The following ZNF536 variants were observed in gnomAD, a reference collection of about 807,000 sequenced individuals.
The protein encoded by ZNF536 is zinc finger protein 536.
A neutral mutation model predicts 84.5 loss-of-function variants in ZNF536; 13 were observed. The ratio of observed to expected loss-of-function variants is 0.15; its 90% CI spans 0.10 to 0.24. The LOEUF is 0.24. Ranked by LOEUF, ZNF536 falls within the 10% of genes least tolerant of loss-of-function variation. ZNF536 has a pLI of 1.00. For synonymous variants in ZNF536, 811 were observed against 742.5 expected, an observed-to-expected ratio of 1.09 and a Z score of -1.50; for missense variants, 1,536 against 1,747.5, an observed-to-expected ratio of 0.88 and a Z score of 2.16.
chr19:30,540,259 C>G (rs527741187), intron 3 of ZNF536, among the ~76,000 whole-genome samples: 3 of 152,266 alleles, frequency 2.0e-5, no homozygotes, highest in African/African-American at 2.4e-5. Context: ...GTATTCTTGT[C>G]CCTTTCCTAT....
intron 2 of ZNF536, among the ~76,000 whole-genome samples, chr19:30,320,796 C>G (rs991237406): frequency 1.3e-5 from 2 of 152,090 alleles, no homozygotes; most frequent in Admixed American, 1.3e-4. Context: ...CTTCTTGGCT[C>G]CCGGGAGAAT....
chr19:30,529,246 AT>A (rs1186430122), intron 2 of ZNF536, among the ~76,000 whole-genome samples: 1 of 152,210 alleles, frequency 6.6e-6, no homozygotes, highest in Non-Finnish European at 1.5e-5. Context: ...TCCCAAACAT[AT>A]TATATATAAA....
intron 1 of ZNF536, 51 bp from the exon 2 acceptor site, chr19:30,443,510 T>C: frequency 6.7e-7 from 1 of 1,500,524 alleles, no homozygotes. Flanking sequence ...TGTTGATTCA[T>C]GGCGCCACAG....
chr19:30,411,031 A>G (rs2050474014), intron 1 of ZNF536, among the ~76,000 whole-genome samples: 1 of 152,240 alleles, frequency 6.6e-6, no homozygotes. Context: ...TGGATGTACC[A>G]TAACTACTTA....
At chr19:30,388,245 C>T (rs1241212364) in intron 1 of ZNF536, among the ~76,000 whole-genome samples, 1 of 152,172 alleles carries the variant, frequency 6.6e-6, no homozygotes, top group African/African-American at 2.4e-5. Context: ...GGCCTGGGAC[C>T]TCGGTCAAAG....
intron 2 of ZNF536, among the ~76,000 whole-genome samples, chr19:30,452,770 A>G (rs33436): frequency 0.59 from 89,891 of 151,798 alleles, 27,013 homozygotes; most frequent in Non-Finnish European, 0.63. Context: ...TGATGATTGG[A>G]CTGGAACCTT....
chr19:30,607,165 A>C (rs2146996537), intron 1 of ZNF536, among the ~76,000 whole-genome samples: 1 of 152,312 alleles, frequency 6.6e-6, no homozygotes, highest in South Asian at 2.1e-4. Context: ...AAACTTATTT[A>C]CAAAAGATCC....
At chr19:30,613,754 GATA>G (rs1188111566) in intron 1 of ZNF536, among the ~76,000 whole-genome samples, 1 of 152,182 alleles carries the variant, frequency 6.6e-6, no homozygotes, top group Non-Finnish European at 1.5e-5. Flanking sequence ...AGCGACCATA[GATA>G]ATGAGTATAT....
At chr19:30,400,376 T>A (rs2049998501) in intron 1 of ZNF536, among the ~76,000 whole-genome samples, 1 of 152,226 alleles carries the variant, frequency 6.6e-6, no homozygotes, top group South Asian at 2.1e-4. Flanking sequence ...GTTGTTTGCA[T>A]CCTCAGCAGC....
intron 3 of ZNF536, among the ~76,000 whole-genome samples, chr19:30,358,098 C>G (rs1035281714): frequency 6.6e-6 from 1 of 152,146 alleles, no homozygotes. Context: ...AGGCCTCTTT[C>G]CCTTGGGCAG....
chr19:30,709,276 T>C (rs1368679902), intron 1 of ZNF536, among the ~76,000 whole-genome samples: 1 of 152,204 alleles, frequency 6.6e-6, no homozygotes, highest in African/African-American at 2.4e-5. Flanking sequence ...TTAAAACTCA[T>C]GCTGGCCTTG....
chr19:30,338,040 GTGA>G (rs2047438465), intron 2 of ZNF536, among the ~76,000 whole-genome samples: 2 of 150,642 alleles, frequency 1.3e-5, no homozygotes, highest in South Asian at 4.3e-4. Context: ...GATGACAGTG[GTGA>G]TGATGGTGGT....
At chr19:30,595,841 C>A (rs545280019) in intron 1 of ZNF536, among the ~76,000 whole-genome samples, 2 of 152,104 alleles carry the variant, frequency 1.3e-5, no homozygotes, top group Non-Finnish European at 2.9e-5. Flanking sequence ...TTTCTAGTGT[C>A]AGGACATAAG....
At chr19:30,252,203 A>G (rs1191397199) in intron 1 of ZNF536, among the ~76,000 whole-genome samples, 1 of 152,260 alleles carries the variant, frequency 6.6e-6, no homozygotes, top group Non-Finnish European at 1.5e-5. Context: ...AATGCTCAAC[A>G]TCACTAATGA....
At chr19:30,380,347 T>C (rs2048974835) in intron 1 of ZNF536, among the ~76,000 whole-genome samples, 1 of 152,060 alleles carries the variant, frequency 6.6e-6, no homozygotes, top group Non-Finnish European at 1.5e-5. Context: ...TCCTTGCAAA[T>C]GGGAGCCGTG....
chr19:30,314,042 G>A (rs1012243490), intron 2 of ZNF536, among the ~76,000 whole-genome samples: 5 of 152,222 alleles, frequency 3.3e-5, no homozygotes, highest in Non-Finnish European at 7.3e-5. Context: ...TATTCCCAAT[G>A]TACTCAGCTT....
chr19:30,611,197 C>T (rs1294052988), intron 1 of ZNF536, among the ~76,000 whole-genome samples: 2 of 152,166 alleles, frequency 1.3e-5, no homozygotes, highest in African/African-American at 4.8e-5. Flanking sequence ...TGCAGGGCAT[C>T]TATCCTCCAA....
chr19:30,694,194 C>T (rs934864891), intron 1 of ZNF536, among the ~76,000 whole-genome samples: 2 of 152,170 alleles, frequency 1.3e-5, no homozygotes, highest in Non-Finnish European at 2.9e-5. Context: ...TTGGCACAAG[C>T]CAAGTTCCAA....
chr19:30,285,882 G>A (rs1318689449), intron 2 of ZNF536, among the ~76,000 whole-genome samples: 1 of 152,142 alleles, frequency 6.6e-6, no homozygotes, highest in African/African-American at 2.4e-5. Flanking sequence ...GTCCCCTGGG[G>A]GGCCCAATCA....
Sources: allele counts gnomAD v4.1 joint callset (sites outside exome capture counted in the v4.1 genomes callset), GRCh38; gene constraint gnomAD v4.1.1; transcripts MANE v1.5; gene names NCBI Gene and HGNC (gene_info 2026-07-23, HGNC 2026-07-21).